HMGXB3: variants seen among roughly 807,000 people sequenced by gnomAD.
HMGXB3 encodes the protein HMG domain-containing protein 3.
HMGXB3 carries 45 observed loss-of-function variants against 121.5 expected under a neutral mutation model. The ratio of observed to expected loss-of-function variants is 0.37; its 90% CI spans 0.29 to 0.47. The LOEUF (loss-of-function observed/expected upper bound fraction) is 0.47, where lower values mean the gene tolerates loss of function less well. HMGXB3 is among the 20% of genes least tolerant of loss of function. HMGXB3 has a pLI of 0.99. For missense variants in HMGXB3, 1,376 were observed against 1,602.2 expected, an observed-to-expected ratio of 0.86 and a Z score of 2.41; for synonymous variants, 590 against 624.1, an observed-to-expected ratio of 0.95 and a Z score of 0.81.
chr5:150,004,590 C>G (rs368345668), intron 1 of HMGXB3, among the ~76,000 whole-genome samples: 6 of 152,128 alleles, frequency 3.9e-5, no homozygotes, highest in African/African-American at 1.2e-4. Context: ...CAAACTTGCC[C>G]GGTCTGAGGA....
intron 13 of HMGXB3, among the ~76,000 whole-genome samples, chr5:150,039,562 A>G (rs1342320718): frequency 6.6e-6 from 1 of 152,054 alleles, no homozygotes; most frequent in Non-Finnish European, 1.5e-5. Context: ...GGTAGAGTAT[A>G]TGTCCTTTTT....
rs1428433634 is a variant in HMGXB3, at chr5:150,012,271, G to C, written c.827G>C (p.Ser276Thr). The change falls in exon 5 of 20, where the codon AGC becomes ACC. Residue 276 changes from serine (S) to threonine (T), a missense_variant. Coordinates refer to ENST00000502717, the MANE Select transcript of HMGXB3 (RefSeq NM_014983.3). ...VTVMRDSSES[S>T]SSAPATQFIM... is the part of the protein sequence containing the mutation. ...TGCCCATAGGATTCCAGTGAGAGTA[G>C]CTCCTCTGCACCAGCCACACAGTTC... The C allele has an allele frequency of 1.3e-6, 2 of 1,551,986 alleles. No homozygotes were observed. The highest frequency in any genetic ancestry group is 1.7e-6 in the Non-Finnish European group (2 of 1,146,980).
chr5:150,016,099 CTT>C (rs1755954259), intron 5 of HMGXB3, among the ~76,000 whole-genome samples: 1 of 152,154 alleles, frequency 6.6e-6, no homozygotes, highest in African/African-American at 2.4e-5. Flanking sequence ...AACCCTAGCA[CTT>C]TGAGAGACTG....
chr5:150,032,047 A>C lies in HMGXB3; in HGVS notation c.1834-407A>C, dbSNP rs1193722104. ...AGATAGTAACTTGTCATAGGAGCTT[A>C]GATGCTAGAGCTTTGAGCTTTAATA... is the stretch of plus-strand genomic sequence containing the variant. On this transcript the variant is annotated intron_variant, in intron 10 of 19. Coordinates refer to ENST00000502717, the MANE Select transcript of HMGXB3 (RefSeq NM_014983.3). Among the ~76,000 whole-genome samples the C allele has an allele frequency of 3.3e-5, 5 of 152,124 alleles. No individual in the cohort carries two copies. The South Asian group carries it at 6.2e-4, about 19-fold the overall frequency.
rs1756246915 is a variant in HMGXB3, at chr5:150,026,967, T to TG, written c.1637-49dup. On this transcript the variant is annotated intron_variant, in intron 8 of 19. Transcript: ENST00000502717. ...GGGGTTGAGAACGGACATAGAGACT[T>TG]GGGGAGACTCTGAATGCACTTAAGT... 11 of 1,538,882 alleles carry TG rather than the reference T, an allele frequency of 7.1e-6. No individual in the cohort carries two copies. The South Asian group carries it at 1.3e-4, about 19-fold the overall frequency.
chr5:150,052,466 G>C lies in HMGXB3; in HGVS notation c.*274G>C. On this transcript the variant is annotated 3_prime_UTR_variant, in exon 20 of 20. Coordinates refer to ENST00000502717, the MANE Select transcript of HMGXB3 (RefSeq NM_014983.3). ...GTATGTTTAATGGAGGGGAGGCTGA[G>C]GGAAAGGCTCGTAGCTGGTGGGTTC... 4.6e-6 allele frequency: 2 copies of C among 436,580 alleles called. No individual in the cohort carries two copies. The highest frequency in any genetic ancestry group is 3.7e-5 in the Admixed American group (1 of 26,794). 27.0% of individuals were successfully genotyped at this position (436,580 alleles called of 1,614,324 possible).
chr5:150,001,875 C>T (rs1302444683), intron 1 of HMGXB3, among the ~76,000 whole-genome samples: 1 of 152,190 alleles, frequency 6.6e-6, no homozygotes, highest in African/African-American at 2.4e-5. Flanking sequence ...AGATGCTCTC[C>T]TGCAGTTACT....
At chr5:150,006,751 G>A in intron 3 of HMGXB3, 104 bp downstream of exon 3, 1 of 1,013,346 alleles carries the variant, frequency 9.9e-7, no homozygotes, top group South Asian at 1.7e-5. Context: ...TTTGGGAAAA[G>A]TTTCATCGTT....
Position 150,026,949 on chromosome 5 carries a change from A to G in HMGXB3, c.1636+68A>G, listed in dbSNP as rs770866123. ...GGAAAGGGACAGGAGTGGGGGGTTG[A>G]GAACGGACATAGAGACTTGGGGAGA... is the stretch of plus-strand genomic sequence containing the variant. On this transcript the variant is annotated intron_variant, in intron 8 of 19. Coordinates refer to ENST00000502717, the MANE Select transcript of HMGXB3 (RefSeq NM_014983.3). 2.7e-5 allele frequency: 42 copies of G among 1,530,348 alleles called. No individual in the cohort carries two copies. In the Admixed American group the frequency reaches 5.0e-4, roughly 18 times the overall value. 94.8% of individuals were successfully genotyped at this position (1,530,348 alleles called of 1,614,324 possible).
intron 10 of HMGXB3, among the ~76,000 whole-genome samples, chr5:150,031,043 C>T (rs1756364331): frequency 6.6e-6 from 1 of 152,108 alleles, no homozygotes; most frequent in African/African-American, 2.4e-5. Context: ...GGTCTCTTTC[C>T]AGGTGAGATT....
At chr5:150,026,294 A>G (rs1187035962) in intron 7 of HMGXB3, among the ~76,000 whole-genome samples, 3 of 152,218 alleles carry the variant, frequency 2.0e-5, no homozygotes, top group Non-Finnish European at 4.4e-5. Flanking sequence ...CATGTGCTCA[A>G]CATTGGTGCT....
intron 15 of HMGXB3, among the ~76,000 whole-genome samples, chr5:150,044,757 ATAAG>A (rs1311569888): frequency 2.6e-5 from 4 of 152,200 alleles, no homozygotes; most frequent in African/African-American, 4.8e-5. Context: ...TACATTTCTA[ATAAG>A]TAAGCTATAC....
At chr5:150,021,765 T>G in intron 6 of HMGXB3, 2 of 508,824 alleles carry the variant, frequency 3.9e-6, no homozygotes, top group Non-Finnish European at 7.9e-6. Context: ...GCATTCGAAC[T>G]GATCCTTTCA....
intron 10 of HMGXB3, 30 bp downstream of exon 10, chr5:150,030,869 G>C (rs1357331808): frequency 6.7e-7 from 1 of 1,497,606 alleles, no homozygotes; most frequent in Non-Finnish European, 9.1e-7. Flanking sequence ...GTGGTGGGTT[G>C]ACATGGAGGT....
Position 150,010,349 on chromosome 5 carries a change from C to T in HMGXB3, c.551C>T (p.Ala184Val), listed in dbSNP as rs1470387897. 19 of 1,551,596 alleles carry T rather than the reference C, an allele frequency of 1.2e-5. No homozygotes were observed. Among genetic ancestry groups the T allele is most frequent in the Non-Finnish European group, 1.7e-5 (19 of 1,147,014 alleles). Reference protein sequence around the residue: ...SHAGMAEQCLAVEALAEEVGA... With the variant: ...SHAGMAEQCLVVEALAEEVGA... The stretch of plus-strand genomic sequence containing the variant: ...GCAGGCATGGCAGAGCAGTGCCTGG[C>T]TGTGGAGGCCCTGGCTGAGGAGGTG... Residue 184 changes from alanine to valine, a missense_variant, in exon 4 of 20, where the codon GCT becomes GTT. By Grantham distance (64) the Ala-to-Val change is moderately conservative (BLOSUM62 0). Transcript: ENST00000502717.
intron 6 of HMGXB3, among the ~76,000 whole-genome samples, chr5:150,023,888 G>A (rs1323451303): frequency 6.6e-6 from 1 of 152,224 alleles, no homozygotes; most frequent in Admixed American, 6.5e-5. Flanking sequence ...AGGGCTTTTA[G>A]GCCCTGTATG....
intron 10 of HMGXB3, among the ~76,000 whole-genome samples, chr5:150,032,113 CTT>C (rs1756394864): frequency 1.3e-5 from 2 of 152,168 alleles, no homozygotes. Context: ...GGCTTGAACT[CTT>C]TAGTTCACCA....
intron 3 of HMGXB3, among the ~76,000 whole-genome samples, 190 bp downstream of exon 3, chr5:150,006,837 G>A (rs547436798): frequency 1.3e-5 from 2 of 152,260 alleles, no homozygotes; most frequent in East Asian, 3.9e-4. Flanking sequence ...TTCGGTTGCA[G>A]CAATACGTGG....
chr5:150,033,468 T>A (rs1365145828), intron 11 of HMGXB3, among the ~76,000 whole-genome samples: 4 of 151,920 alleles, frequency 2.6e-5, no homozygotes, highest in African/African-American at 9.7e-5. Context: ...GAACATGAAG[T>A]GTGAGTATGG....
Sources: allele counts gnomAD v4.1 joint callset (sites outside exome capture counted in the v4.1 genomes callset), GRCh38; gene constraint gnomAD v4.1.1; transcripts MANE v1.5; gene names NCBI Gene and HGNC (gene_info 2026-07-23, HGNC 2026-07-21).